The following FAM120AOS variants were observed in gnomAD, a reference collection of about 807,000 sequenced individuals.
The protein encoded by FAM120AOS is uncharacterized protein FAM120AOS.
In FAM120AOS, 15 loss-of-function variants were observed where a neutral mutation model predicts 20.2. The ratio of observed to expected loss-of-function variants is 0.74; its 90% CI spans 0.50 to 1.15. The LOEUF is 1.15. Among genes scored for constraint, FAM120AOS ranks in the 50% most tolerant of loss-of-function variants. The pLI is 0.00. For missense variants in FAM120AOS, 327 were observed against 351.9 expected, an observed-to-expected ratio of 0.93 and a Z score of 0.57; for synonymous variants, 154 against 154.0, an observed-to-expected ratio of 1.00 and a Z score of 0.00.
At position 93,451,397 on chromosome 9, in the gene FAM120AOS, G is replaced by A. The variant is rs1438602949; in HGVS notation, c.563+750C>T. 5 of 1,383,490 alleles carry A rather than the reference G, an allele frequency of 3.6e-6. No homozygotes were observed. The East Asian group carries it at 1.4e-4, about 39-fold the overall frequency. 85.7% of individuals were successfully genotyped at this position (1,383,490 alleles called of 1,614,324 possible). A position where few individuals can be genotyped will look rare whatever the true frequency, so the allele number is the denominator to read the frequency against. On this transcript the variant is annotated intron_variant, in intron 1 of 2. Coordinates refer to ENST00000375412, the MANE Select transcript of FAM120AOS (RefSeq NM_198841.4). The stretch of plus-strand genomic sequence containing the variant: ...GGCGGCGGCCTCTCTGGCCCTGCCG[G>A]GAACAGGGCGCAGGGGAGGGGAGCG...
rs10992734 is a variant in FAM120AOS, at chr9:93,445,292, T to TA, written c.*2318dup. On this transcript the variant is annotated 3_prime_UTR_variant, in exon 3 of 3. Coordinates refer to ENST00000375412, the MANE Select transcript of FAM120AOS (RefSeq NM_198841.4). ...CATCCCTGAAAGGTCTGAGAAAAAA[T>TA]AAAAAAAAATTGTGTATAGTTTTGG... Among the ~76,000 whole-genome samples the TA allele has an allele frequency of 0.22, 32,001 of 146,088 alleles. 4,297 individuals are homozygous for TA. The highest frequency in any genetic ancestry group is 0.4 in the African/African-American group (15,978 of 39,710).
At chr9:93,448,074 C>T (rs1202751593) in intron 2 of FAM120AOS, among the ~76,000 whole-genome samples, 2 of 152,234 alleles carry the variant, frequency 1.3e-5, no homozygotes, top group Non-Finnish European at 2.9e-5. Context: ...CTCCAGTCTG[C>T]TGGTCTCCCA....
chr9:93,449,695 C>G (rs992259347), intron 2 of FAM120AOS, among the ~76,000 whole-genome samples: 3 of 151,944 alleles, frequency 2.0e-5, no homozygotes, highest in Admixed American at 6.6e-5. Context: ...ACCATGTTGG[C>G]TAGGATGGTC....
At position 93,447,408 on chromosome 9, in the gene FAM120AOS, C is replaced by A; in HGVS notation, c.*203G>T. 1.8e-6 allele frequency: 1 copy of A among 557,364 alleles called. No individual in the cohort carries two copies. Among genetic ancestry groups the A allele is most frequent in the Non-Finnish European group, 3.2e-6 (1 of 310,668 alleles). The allele number at this position is 557,364 out of a possible 1,614,324, so 34.5% of individuals were successfully genotyped here. A position where few individuals can be genotyped will look rare whatever the true frequency, so the allele number is the denominator to read the frequency against. ...ACTCTGACTTAGGACATATCACTTT[C>A]CTCTCTTGACCTTCACATTCAGATG... On this transcript the variant is annotated 3_prime_UTR_variant, in exon 3 of 3. Transcript: ENST00000375412.
chr9:93,452,693 TC>T lies in FAM120AOS; in HGVS notation c.16del (p.Asp6IlefsTer85). MGKTK[D>X]IGDDDTVASE... Reference sequence around the variant, plus strand: ...GGCGACAGTGTCATCATCCCCAATATCCTTAGTTTTTCCCATCCTATTTGAG... The same window carrying T: ...GGCGACAGTGTCATCATCCCCAATATCTTAGTTTTTCCCATCCTATTTGAG... On this transcript the variant is annotated frameshift_variant, in exon 1 of 3. Transcript: ENST00000375412. LOFTEE classifies it high-confidence loss of function. The surrounding 1 kb of genome is among the most constrained non-coding windows in gnomAD (Gnocchi z 7.0). 1 of 1,598,552 alleles carries T rather than the reference TC, an allele frequency of 6.3e-7. No homozygotes were observed.
intron 1 of FAM120AOS, 59 bp from the exon 2 acceptor site, chr9:93,450,658 TTA>T (rs1303324491): frequency 6.9e-6 from 11 of 1,601,514 alleles, no homozygotes; most frequent in African/African-American, 6.7e-5. Context: ...TTTAAAACTT[TTA>T]GAGTGCTGGG....
In FAM120AOS at chr9:93,451,089, T is replaced by G. The variant is rs573038295; in HGVS notation, c.564-490A>C. The stretch of plus-strand genomic sequence containing the variant: ...GCCCGAAGCTGCTGGGATGAGCACC[T>G]GCCGCGGAACTGCATTCTCGCGCTC... On this transcript the variant is annotated intron_variant, in intron 1 of 2. Transcript: ENST00000375412. 12 of 1,550,592 alleles carry G rather than the reference T, an allele frequency of 7.7e-6. No homozygotes were observed. In the South Asian group the frequency reaches 1.4e-4, roughly 18 times the overall value.
In FAM120AOS at chr9:93,450,609, A is replaced by T; in HGVS notation, c.564-10T>A. On this transcript the variant is annotated splice_polypyrimidine_tract_variant and intron_variant, in intron 1 of 2. Coordinates refer to ENST00000375412, the MANE Select transcript of FAM120AOS (RefSeq NM_198841.4). ...TCCTCTACAGAGGTTTCTCCAAAAA[A>T]AGAACAAATGGAGAGATGAAGGTAA... The T allele has an allele frequency of 6.2e-7, 1 of 1,604,946 alleles. No homozygotes were observed. Among genetic ancestry groups the T allele is most frequent in the Non-Finnish European group, 8.5e-7 (1 of 1,176,330 alleles).
Position 93,452,972 on chromosome 9 carries a change from G to T in FAM120AOS, c.-263C>A. 1 of 1,357,532 alleles carries T rather than the reference G, an allele frequency of 7.4e-7. No homozygotes were observed. The highest frequency in any genetic ancestry group is 9.5e-7 in the Non-Finnish European group (1 of 1,057,852). The allele number at this position is 1,357,532 out of a possible 1,614,324, so 84.1% of individuals were successfully genotyped here. A position where few individuals can be genotyped will look rare whatever the true frequency, so the allele number is the denominator to read the frequency against. On this transcript the variant is annotated 5_prime_UTR_variant, in exon 1 of 3. Transcript: ENST00000375412. The surrounding 1 kb of genome is among the most constrained non-coding windows in gnomAD (Gnocchi z 7.0). ...CCTCTACTTCAGAACGCAGTGCCCT[G>T]TCCGTGTTCCTCTTAGTACAGGGTG... is the stretch of plus-strand genomic sequence containing the variant.
intron 2 of FAM120AOS, among the ~76,000 whole-genome samples, chr9:93,448,704 G>A (rs902242819): frequency 2.0e-5 from 3 of 151,900 alleles, no homozygotes; most frequent in Admixed American, 1.3e-4. Flanking sequence ...TGCAAGCTCC[G>A]CCTCCTGGGT....
chr9:93,452,341 C>T lies in FAM120AOS; in HGVS notation c.369G>A (p.Gln123=). ...MSARRMQWAM[Q]TGGRNQTFGG... is the part of the protein sequence containing the mutation. ...CAAAGGTCTGGTTCCTGCCGCCCGT[C>T]TGCATGGCCCACTGCATCCGCCTGG... Residue 123 remains glutamine, a synonymous_variant, in exon 1 of 3, where the codon CAG becomes CAA. Transcript: ENST00000375412. This position sits in a 1 kb window ranked among gnomAD's most constrained non-coding sequence, Gnocchi z 7.0. 6.2e-7 allele frequency: 1 copy of T among 1,612,876 alleles called. No homozygotes were observed. Among genetic ancestry groups the T allele is most frequent in the Non-Finnish European group, 8.5e-7 (1 of 1,179,838 alleles).
Position 93,452,828 on chromosome 9 carries a change from T to C in FAM120AOS, c.-119A>G. ...TCTTGGAAGCAGGCAGGATACAGAG[T>C]AATAGAGGGGGTTTCGCCAGAGCCC... is the stretch of plus-strand genomic sequence containing the variant. On this transcript the variant is annotated 5_prime_UTR_variant, in exon 1 of 3. Transcript: ENST00000375412. The surrounding 1 kb of genome is among the most constrained non-coding windows in gnomAD (Gnocchi z 7.0). 5 of 1,548,226 alleles carry C rather than the reference T, an allele frequency of 3.2e-6. No individual in the cohort carries two copies. The Middle Eastern group carries it at 5.6e-4, about 173-fold the overall frequency.
chr9:93,451,435 C>T, intron 1 of FAM120AOS: 1 of 1,264,582 alleles, frequency 7.9e-7, no homozygotes, highest in South Asian at 2.0e-5. Context: ...GGCCGACCGG[C>T]CTGAGGCGGG....
rs752897171 is a variant in FAM120AOS, at chr9:93,452,026, G to A, written c.563+121C>T. On this transcript the variant is annotated intron_variant, in intron 1 of 2. Coordinates refer to ENST00000375412, the MANE Select transcript of FAM120AOS (RefSeq NM_198841.4). This position sits in a 1 kb window ranked among gnomAD's most constrained non-coding sequence, Gnocchi z 7.0. ...GCAGCCTGGTGGGCGGCGGGCGGCAGCGGCCCCCGCAGACCCCGCTGCGCC... is the reference window on the plus strand; with the variant it reads ...GCAGCCTGGTGGGCGGCGGGCGGCAACGGCCCCCGCAGACCCCGCTGCGCC... 14 of 1,561,606 alleles carry A rather than the reference G, an allele frequency of 9.0e-6. No individual in the cohort carries two copies. The highest frequency in any genetic ancestry group is 3.9e-5 in the Admixed American group (2 of 51,794).
chr9:93,451,721 G>C, intron 1 of FAM120AOS: 1 of 985,322 alleles, frequency 1.0e-6, no homozygotes, highest in Non-Finnish European at 1.2e-6. Context: ...GGCGGCGGCA[G>C]GTCCCTCCCC....
intron 1 of FAM120AOS, chr9:93,451,233 C>T (rs1403015220): frequency 2.0e-6 from 3 of 1,523,266 alleles, no homozygotes; most frequent in Non-Finnish European, 2.6e-6. Flanking sequence ...GTTAGAAAGG[C>T]GGCGTCCCGA....
intron 2 of FAM120AOS, among the ~76,000 whole-genome samples, chr9:93,449,769 A>C (rs1047017861): frequency 4.0e-5 from 6 of 151,596 alleles, no homozygotes; most frequent in Admixed American, 2.6e-4. Flanking sequence ...TACAGGCGTG[A>C]GCCACCACGC....
chr9:93,451,786 C>T (rs1255424935), intron 1 of FAM120AOS: 2 of 977,190 alleles, frequency 2.0e-6, no homozygotes, highest in Non-Finnish European at 2.4e-6. Flanking sequence ...CATGAGCGCG[C>T]CCCCGACCCG....
chr9:93,449,734 C>G (rs1191607874), intron 2 of FAM120AOS, among the ~76,000 whole-genome samples: 1 of 152,120 alleles, frequency 6.6e-6, no homozygotes, highest in Non-Finnish European at 1.5e-5. Context: ...GATCTGCCCG[C>G]CTCGGCCTCC....
Sources: gnomAD v4.1 joint callset for allele counts (sites outside exome capture counted in the v4.1 genomes callset) on GRCh38, gnomAD v4.1.1 for gene constraint, Gnocchi (gnomAD v3.1) non-coding constraint, MANE v1.5 for transcripts, NCBI Gene and HGNC (gene_info 2026-07-23, HGNC 2026-07-21) for gene names.